TSPAN11: variants seen among roughly 807,000 people sequenced by gnomAD.
TSPAN11 encodes the protein tetraspanin 11.
TSPAN11 carries 29 observed loss-of-function variants against 32.9 expected under a neutral mutation model. That is an observed-to-expected ratio of 0.88 (90% CI 0.66 to 1.20). The LOEUF (loss-of-function observed/expected upper bound fraction) is 1.20, where lower values mean the gene tolerates loss of function less well. Among genes scored for constraint, TSPAN11 ranks in the 50% most tolerant of loss-of-function variants. The pLI, the probability that TSPAN11 is intolerant of heterozygous loss-of-function variation, is 0.00. For missense variants in TSPAN11, 283 were observed against 329.1 expected, an observed-to-expected ratio of 0.86 and a Z score of 1.08; for synonymous variants, 140 against 141.3, an observed-to-expected ratio of 0.99 and a Z score of 0.07.
chr12:31,012,207 A>G, the TSPAN11 span, among the ~76,000 whole-genome samples: 1 of 152,206 alleles, frequency 6.6e-6, no homozygotes, highest in African/African-American at 2.4e-5. Flanking sequence ...GTGCACCGCT[A>G]TTTTGGCCTC....
At chr12:30,952,284 G>T (rs924923659) in intron 1 of TSPAN11, among the ~76,000 whole-genome samples, 1 of 152,158 alleles carries the variant, frequency 6.6e-6, no homozygotes, top group African/African-American at 2.4e-5. Flanking sequence ...TGGCCCAGGA[G>T]ACGCTGCACC....
chr12:30,938,036 A>G (rs73088039), intron 1 of TSPAN11, among the ~76,000 whole-genome samples: 6,451 of 152,290 alleles, frequency 0.042, 200 homozygotes, highest in Non-Finnish European at 0.066. Flanking sequence ...TAGCTGCTAG[A>G]AGGGTTGGGG....
chr12:31,006,493 C>T, the TSPAN11 span, among the ~76,000 whole-genome samples: 1 of 152,264 alleles, frequency 6.6e-6, no homozygotes, highest in South Asian at 2.1e-4. Context: ...ATGGCCTCCT[C>T]AAGGGCCAGG....
intron 1 of TSPAN11, among the ~76,000 whole-genome samples, chr12:30,937,448 C>A (rs558663826): frequency 2.6e-5 from 4 of 151,416 alleles, no homozygotes; most frequent in Non-Finnish European, 5.9e-5. Context: ...CGGCAGGGGG[C>A]AGTGGGGCAG....
chr12:30,969,730 T>A (rs1938810770), intron 3 of TSPAN11, among the ~76,000 whole-genome samples: 1 of 152,180 alleles, frequency 6.6e-6, no homozygotes, highest in African/African-American at 2.4e-5. Flanking sequence ...TTGATGGGAC[T>A]GCCTAATTCA....
intron 2 of TSPAN11, chr12:30,954,351 G>A: frequency 2.4e-6 from 1 of 418,636 alleles, no homozygotes; most frequent in South Asian, 2.9e-5. Context: ...TAGCCCTGCT[G>A]TACAAAGGGT....
chr12:31,009,612 T>C, the TSPAN11 span, among the ~76,000 whole-genome samples: 1 of 152,136 alleles, frequency 6.6e-6, no homozygotes, highest in African/African-American at 2.4e-5. Context: ...CGATGATACA[T>C]GACCTCCTTC....
chr12:30,996,961 A>G (rs1592503744), downstream of TSPAN11: 1 of 152,360 alleles, frequency 6.6e-6, no homozygotes, highest in East Asian at 1.9e-4. Context: ...ATGAACCTGC[A>G]GTGAGCTCTT....
At chr12:30,968,877 G>A (rs561108002) in intron 3 of TSPAN11, among the ~76,000 whole-genome samples, 8 of 152,144 alleles carry the variant, frequency 5.3e-5, no homozygotes, top group South Asian at 2.1e-4. Context: ...ATATGGGCTC[G>A]GGTTCAAAAG....
chr12:30,949,390 C>T (rs906949500), intron 1 of TSPAN11, among the ~76,000 whole-genome samples: 3 of 152,172 alleles, frequency 2.0e-5, no homozygotes, highest in South Asian at 2.1e-4. Context: ...ATTGGACTTA[C>T]AGTTCCACAT....
intron 7 of TSPAN11, 50 bp downstream of exon 7, chr12:30,983,200 C>A: frequency 1.3e-6 from 2 of 1,535,178 alleles, no homozygotes; most frequent in Non-Finnish European, 1.8e-6. Context: ...CTGAACCCCT[C>A]TCCCATTGAC....
chr12:30,947,463 A>G (rs1001938167), intron 1 of TSPAN11, among the ~76,000 whole-genome samples: 1 of 152,200 alleles, frequency 6.6e-6, no homozygotes, highest in Admixed American at 6.5e-5. Flanking sequence ...ACTGGGAAGA[A>G]AAAGAGGTTT....
intron 3 of TSPAN11, among the ~76,000 whole-genome samples, chr12:30,977,314 A>G (rs56223771): frequency 0.12 from 18,131 of 146,440 alleles, 1,194 homozygotes; most frequent in South Asian, 0.17. Context: ...CCGCCACCGT[A>G]TCCCCCCTGC....
rs1401545364 is a variant in TSPAN11, at chr12:30,995,353, G to C, written c.*3438G>C. 1 of 152,376 alleles carries C rather than the reference G, an allele frequency of 6.6e-6. No homozygotes were observed. The highest frequency in any genetic ancestry group is 1.5e-5 in the Non-Finnish European group (1 of 68,168). 9.4% of individuals were successfully genotyped at this position (152,376 alleles called of 1,614,324 possible). On this transcript the variant is annotated 3_prime_UTR_variant, in exon 8 of 8. Coordinates refer to ENST00000546076, the MANE Select transcript of TSPAN11 (RefSeq NM_001370302.1). The stretch of plus-strand genomic sequence containing the variant: ...TCCCCTTCAGGTGAGGCCCTTTTCT[G>C]CCTTCTTTCTAGCCCCCTGCATGGG...
chr12:30,953,913 T>G (rs561618512), intron 1 of TSPAN11, 68 bp from the exon 2 acceptor site: 2 of 1,207,668 alleles, frequency 1.7e-6, no homozygotes, highest in East Asian at 4.7e-5. Context: ...GCCAAGATGC[T>G]CTGGCTCTGG....
At chr12:30,950,328 C>A (rs527800144) in intron 1 of TSPAN11, among the ~76,000 whole-genome samples, 1 of 152,282 alleles carries the variant, frequency 6.6e-6, no homozygotes, top group African/African-American at 2.4e-5. Context: ...ATCTGTATCC[C>A]TAATTATTTT....
intron 1 of TSPAN11, among the ~76,000 whole-genome samples, chr12:30,935,358 G>A (rs1254732310): frequency 1.3e-5 from 2 of 150,116 alleles, no homozygotes; most frequent in African/African-American, 2.5e-5. Context: ...GAGTATGTTA[G>A]CCAATGCTTT....
the TSPAN11 span, among the ~76,000 whole-genome samples, chr12:31,012,069 C>T: frequency 6.6e-6 from 1 of 152,236 alleles, no homozygotes; most frequent in Non-Finnish European, 1.5e-5. Context: ...CTAACACAGC[C>T]TCTTTATAAA....
chr12:30,978,857 T>C (rs1204920144), intron 4 of TSPAN11: 1 of 551,994 alleles, frequency 1.8e-6, no homozygotes, highest in African/African-American at 1.9e-5. Flanking sequence ...ACATGGGAGC[T>C]GGGGACGGGG....
Sources: allele counts gnomAD v4.1 joint callset (sites outside exome capture counted in the v4.1 genomes callset), GRCh38; gene constraint gnomAD v4.1.1; transcripts MANE v1.5; gene names NCBI Gene and HGNC (gene_info 2026-07-23, HGNC 2026-07-21).